PCDH7: variants seen among roughly 807,000 people sequenced by gnomAD.
PCDH7 encodes protocadherin-7.
PCDH7 carries 17 observed loss-of-function variants against 58.9 expected under a neutral mutation model. The observed-to-expected ratio is 0.29, with a 90% CI of 0.20 to 0.43. The LOEUF (loss-of-function observed/expected upper bound fraction) is 0.43. Ranked by LOEUF, PCDH7 falls within the 20% of genes least tolerant of loss-of-function variation. PCDH7 has a pLI of 1.00. For missense variants in PCDH7, 1,274 were observed against 1,441.0 expected (o/e 0.88, Z 1.88); for synonymous variants, 664 against 616.4 (o/e 1.08, Z -1.14).
At chr4:31,063,035 T>G (rs1358220959) in intron 3 of PCDH7, among the ~76,000 whole-genome samples, 1 of 151,834 alleles carries the variant, frequency 6.6e-6, no homozygotes, top group Non-Finnish European at 1.5e-5. Context: ...AAATTAATCT[T>G]TATTGGGTAT....
At chr4:31,126,184 C>T (rs1038519463) in intron 3 of PCDH7, among the ~76,000 whole-genome samples, 14 of 145,056 alleles carry the variant, frequency 9.7e-5, no homozygotes, top group East Asian at 4.1e-4. Context: ...AGTGCAGTGG[C>T]GTAATCTTGG....
intron 3 of PCDH7, among the ~76,000 whole-genome samples, chr4:31,022,088 G>C (rs141140076): frequency 9.0e-4 from 137 of 152,222 alleles, no homozygotes; most frequent in African/African-American, 3.0e-3. Flanking sequence ...TACCTTTTAA[G>C]GAAGTCAGTG....
At chr4:30,820,330 A>G (rs1259046824) in intron 1 of PCDH7, among the ~76,000 whole-genome samples, 1 of 152,138 alleles carries the variant, frequency 6.6e-6, no homozygotes, top group East Asian at 1.9e-4. Flanking sequence ...ATTTTTTTAA[A>G]AAATGAAAAT....
chr4:30,725,181 A>T (rs1714436060), intron 1 of PCDH7: 2 of 999,784 alleles, frequency 2.0e-6, no homozygotes, highest in Non-Finnish European at 2.4e-6. Flanking sequence ...CTGATATGCA[A>T]ATGTCATGCA....
intron 1 of PCDH7, among the ~76,000 whole-genome samples, chr4:30,860,114 C>T (rs1734010316): frequency 6.6e-6 from 1 of 152,124 alleles, no homozygotes; most frequent in Non-Finnish European, 1.5e-5. Context: ...ATTCTCAAAC[C>T]TCTGAAGGGT....
intron 3 of PCDH7, among the ~76,000 whole-genome samples, chr4:31,110,847 G>A (rs536249388): frequency 2.0e-5 from 3 of 151,866 alleles, no homozygotes; most frequent in East Asian, 1.9e-4. Context: ...CCTGGGAGGC[G>A]GAGCTTGTAG....
At chr4:30,768,221 C>A (rs926516599) in intron 1 of PCDH7, among the ~76,000 whole-genome samples, 2 of 151,560 alleles carry the variant, frequency 1.3e-5, no homozygotes, top group African/African-American at 4.9e-5. Flanking sequence ...CTTATTTGAT[C>A]TCTTAATTTA....
chr4:30,747,088 C>T (rs1345332617), intron 1 of PCDH7, among the ~76,000 whole-genome samples: 2 of 152,102 alleles, frequency 1.3e-5, no homozygotes, highest in African/African-American at 4.8e-5. Flanking sequence ...TTTTTTCCAT[C>T]ATGGCAATTT....
chr4:30,729,266 A>T (rs1715123525), intron 1 of PCDH7, among the ~76,000 whole-genome samples: 1 of 151,958 alleles, frequency 6.6e-6, no homozygotes, highest in Admixed American at 6.6e-5. Context: ...CTGTGTGTGT[A>T]TTTCAATTGC....
At chr4:30,858,010 T>C (rs1326279809) in intron 1 of PCDH7, among the ~76,000 whole-genome samples, 1 of 152,170 alleles carries the variant, frequency 6.6e-6, no homozygotes, top group Non-Finnish European at 1.5e-5. Context: ...GCAGAAACTA[T>C]ACCAACCACT....
At position 30,722,168 on chromosome 4, in the gene PCDH7, C is replaced by T; in HGVS notation, c.746C>T (p.Ala249Val). 2 of 1,532,906 alleles carry T rather than the reference C, an allele frequency of 1.3e-6. No individual in the cohort carries two copies. The highest frequency in any genetic ancestry group is 1.8e-6 in the Non-Finnish European group (2 of 1,141,224). 95.0% of individuals were successfully genotyped at this position (1,532,906 alleles called of 1,614,324 possible). A position where few individuals can be genotyped will look rare whatever the true frequency, so the allele number is the denominator to read the frequency against. ...AGCAGCGTGTTCGAGCTGCAGGTGG[C>T]GGACACCCCGGACGGCGAGAAGCAG... Residue 249 changes from alanine to valine, a missense_variant, in exon 1 of 2, where the codon GCG becomes GTG. Physicochemically the swap from Ala to Val is moderately conservative, Grantham distance 64. Around this residue, in one of 3 missense-constraint regions of PCDH7, gnomAD observed 331 missense variants for 303.2 expected, o/e 1.09. Transcript: ENST00000361762. The surrounding 1 kb of genome is among the most constrained non-coding windows in gnomAD (Gnocchi z 7.6).
intron 3 of PCDH7, among the ~76,000 whole-genome samples, chr4:31,138,581 G>A (rs138178239): frequency 6.6e-6 from 1 of 152,266 alleles, no homozygotes; most frequent in Admixed American, 6.5e-5. Context: ...GCTTGGACCC[G>A]TTCGCTGTTC....
chr4:30,946,690 TTGTGTGTGTGTGTG>T (rs112524366), intron 2 of PCDH7, among the ~76,000 whole-genome samples: 1,812 of 137,630 alleles, frequency 0.013, 34 homozygotes, highest in African/African-American at 0.047. Context: ...CTTATCTCTT[TTGTGTGTGTGTGTG>T]TGTGTGTGTG....
intron 3 of PCDH7, among the ~76,000 whole-genome samples, chr4:31,097,514 A>AAGAT (rs1714182259): frequency 8.5e-6 from 1 of 117,532 alleles, no homozygotes; most frequent in African/African-American, 3.6e-5. Context: ...GAAAGAGAGA[A>AAGAT]AGAAAGAAGA....
At chr4:30,960,382 A>G (rs1748300113) in intron 3 of PCDH7, among the ~76,000 whole-genome samples, 1 of 152,166 alleles carries the variant, frequency 6.6e-6, no homozygotes. Context: ...TGAATCAGAC[A>G]TCCCAGTAAA....
intron 1 of PCDH7, among the ~76,000 whole-genome samples, chr4:30,781,157 A>G (rs1427320037): frequency 4.0e-5 from 6 of 151,744 alleles, no homozygotes; most frequent in Non-Finnish European, 8.8e-5. Context: ...CTGGGATTCC[A>G]TGATTTTAAC....
intron 1 of PCDH7, among the ~76,000 whole-genome samples, chr4:30,914,154 A>C (rs1301282562): frequency 6.6e-6 from 1 of 152,156 alleles, no homozygotes; most frequent in African/African-American, 2.4e-5. Flanking sequence ...AAAGTGAATA[A>C]AATTAAATAA....
intron 3 of PCDH7, among the ~76,000 whole-genome samples, chr4:30,998,340 T>G (rs1752075403): frequency 6.6e-6 from 1 of 152,180 alleles, no homozygotes; most frequent in Non-Finnish European, 1.5e-5. Context: ...CTCAGATTTC[T>G]GTTTGTACTT....
At chr4:31,052,963 A>G (rs1756876691) in intron 3 of PCDH7, among the ~76,000 whole-genome samples, 1 of 151,928 alleles carries the variant, frequency 6.6e-6, no homozygotes, top group Non-Finnish European at 1.5e-5. Flanking sequence ...TTTTAATGCT[A>G]TGGTGTGACT....
Sources: allele counts gnomAD v4.1 joint callset (sites outside exome capture counted in the v4.1 genomes callset), GRCh38; gene constraint gnomAD v4.1.1; regional missense constraint gnomAD v4.1.1; non-coding constraint Gnocchi (gnomAD v3.1); transcripts MANE v1.5; gene names NCBI Gene and HGNC (gene_info 2026-07-23, HGNC 2026-07-21).